SLCO3A1: variants seen among roughly 807,000 people sequenced by gnomAD.
The protein encoded by SLCO3A1 is PGE1 transporter.
A neutral mutation model predicts 63.1 loss-of-function variants in SLCO3A1; 27 were observed. The ratio of observed to expected loss-of-function variants is 0.43; its 90% CI spans 0.32 to 0.59. The LOEUF is 0.59. Ranked by LOEUF, SLCO3A1 falls within the 20% of genes least tolerant of loss-of-function variation. SLCO3A1 has a pLI of 0.09. For missense variants in SLCO3A1, 773 were observed against 945.8 expected, an observed-to-expected ratio of 0.82 and a Z score of 2.40; for synonymous variants, 473 against 409.9, an observed-to-expected ratio of 1.15 and a Z score of -1.86.
At chr15:92,140,687 G>A (rs938664224) in intron 7 of SLCO3A1, among the ~76,000 whole-genome samples, 2 of 152,110 alleles carry the variant, frequency 1.3e-5, no homozygotes, top group African/African-American at 4.8e-5. Context: ...TATATATTTA[G>A]GATAGTTAGC....
At chr15:92,091,673 C>T (rs981854985) in intron 2 of SLCO3A1, among the ~76,000 whole-genome samples, 4 of 152,168 alleles carry the variant, frequency 2.6e-5, no homozygotes, top group Non-Finnish European at 4.4e-5. Context: ...TTCGAGAACG[C>T]GTTGCAGGTG....
rs753558570 is a variant in SLCO3A1, at chr15:92,162,889, C to T, written c.1887C>T (p.Ile629=). Residue 629 remains isoleucine (I), a synonymous_variant, in exon 10 of 10, where the codon ATC becomes ATT. Coordinates refer to ENST00000318445, the MANE Select transcript of SLCO3A1 (RefSeq NM_013272.4). ...TCTACCGATACCTGTATGTCAGCAT[C>T]GCCATCGCGCTCAAATCCTTCGCCT... ...NVVYRYLYVS[I]AIALKSFAFI... 12 of 1,614,076 alleles carry T rather than the reference C, an allele frequency of 7.4e-6. No homozygotes were observed. The highest frequency in any genetic ancestry group is 6.6e-5 in the South Asian group (6 of 91,084).
In SLCO3A1 at chr15:92,163,935, T is replaced by C. The variant is rs975166326; in HGVS notation, c.*800T>C. On this transcript the variant is annotated 3_prime_UTR_variant, in exon 10 of 10. Transcript: ENST00000318445. ...CCCACAGAGTGACCTCAGGAAGCAG[T>C]AGGCCTCGCCTGGCTATGACTGACC... is the stretch of plus-strand genomic sequence containing the variant. The C allele has an allele frequency of 1.0e-6, 1 of 985,404 alleles. No homozygotes were observed. The highest frequency in any genetic ancestry group is 1.7e-5 in the African/African-American group (1 of 57,242). 61.0% of individuals were successfully genotyped at this position (985,404 alleles called of 1,614,324 possible). A position where few individuals can be genotyped will look rare whatever the true frequency, so the allele number is the denominator to read the frequency against.
intron 2 of SLCO3A1, among the ~76,000 whole-genome samples, chr15:92,080,193 T>C (rs1404881173): frequency 1.3e-5 from 2 of 152,160 alleles, no homozygotes; most frequent in African/African-American, 4.8e-5. Flanking sequence ...GATATCGTTA[T>C]ACAAATTATT....
chr15:91,931,740 G>C (rs747388440), intron 2 of SLCO3A1, among the ~76,000 whole-genome samples: 3 of 150,696 alleles, frequency 2.0e-5, no homozygotes. Flanking sequence ...CAAAGTGCTG[G>C]GATTATAGGA....
chr15:91,975,782 T>C (rs1901083529), intron 2 of SLCO3A1, among the ~76,000 whole-genome samples: 2 of 152,120 alleles, frequency 1.3e-5, no homozygotes, highest in Non-Finnish European at 2.9e-5. Flanking sequence ...TGGTGGACGC[T>C]CCAAGGCAGG....
chr15:91,873,557 CACACACACAT>C (rs1690741347), intron 1 of SLCO3A1, among the ~76,000 whole-genome samples: 1 of 151,630 alleles, frequency 6.6e-6, no homozygotes, highest in African/African-American at 2.4e-5. Flanking sequence ...CACACACACA[CACACACACAT>C]ACATACATAC....
intron 2 of SLCO3A1, among the ~76,000 whole-genome samples, chr15:91,957,975 G>C (rs991485547): frequency 7.2e-5 from 11 of 152,102 alleles, no homozygotes; most frequent in Middle Eastern, 3.4e-3. Flanking sequence ...ATATACATTT[G>C]ATCCATGAAC....
chr15:91,886,995 G>A lies in SLCO3A1; in HGVS notation c.181-28998G>A, dbSNP rs1247199042. On this transcript the variant is annotated intron_variant, in intron 1 of 9. Transcript: ENST00000318445. This position sits in a 1 kb window ranked among gnomAD's most constrained non-coding sequence, Gnocchi z 4.9. ...TTCTCCCCTCTTTGTTTCTGCCTGT[G>A]TCTGTATATTGGCCAAGCCCATTTC... is the stretch of plus-strand genomic sequence containing the variant. Among the ~76,000 whole-genome samples, 1 of 152,174 alleles carries A rather than the reference G, an allele frequency of 6.6e-6. No homozygotes were observed. The highest frequency in any genetic ancestry group is 1.5e-5 in the Non-Finnish European group (1 of 68,024).
intron 2 of SLCO3A1, among the ~76,000 whole-genome samples, chr15:92,008,259 C>A (rs2046333415): frequency 6.6e-6 from 1 of 152,164 alleles, no homozygotes; most frequent in South Asian, 2.1e-4. Flanking sequence ...AAACCTGGAC[C>A]CAGCAAGTGA....
intron 2 of SLCO3A1, among the ~76,000 whole-genome samples, chr15:92,060,572 T>C (rs998649863): frequency 1.3e-5 from 2 of 150,816 alleles, no homozygotes; most frequent in African/African-American, 4.9e-5. Flanking sequence ...CAAGCTCGGC[T>C]CACTGCAACC....
At chr15:92,044,541 A>G (rs954416830) in intron 2 of SLCO3A1, among the ~76,000 whole-genome samples, 8 of 152,056 alleles carry the variant, frequency 5.3e-5, no homozygotes, top group Non-Finnish European at 1.0e-4. Context: ...TAGATCTTCA[A>G]CTCTGGAGGC....
chr15:92,157,441 C>CCCTTCTGGACACACCTGAT (rs2048385535), intron 9 of SLCO3A1, among the ~76,000 whole-genome samples: 1 of 151,800 alleles, frequency 6.6e-6, no homozygotes, highest in Non-Finnish European at 1.5e-5. Flanking sequence ...CCCTTGTCCT[C>CCCTTCTGGACACACCTGAT]CCTTCTGGAC....
chr15:92,153,857 G>A (rs2151596226), intron 9 of SLCO3A1, among the ~76,000 whole-genome samples: 1 of 152,296 alleles, frequency 6.6e-6, no homozygotes, highest in East Asian at 1.9e-4. Context: ...CAGACTGGGG[G>A]GAAAGGGGGG....
chr15:92,122,424 A>C (rs369325147), intron 5 of SLCO3A1, among the ~76,000 whole-genome samples: 10 of 152,342 alleles, frequency 6.6e-5, no homozygotes, highest in African/African-American at 1.9e-4. Flanking sequence ...AAAGGTGCTA[A>C]CCATCATGAG....
At chr15:92,097,693 T>C (rs2047556654) in intron 3 of SLCO3A1, among the ~76,000 whole-genome samples, 1 of 152,146 alleles carries the variant, frequency 6.6e-6, no homozygotes, top group Non-Finnish European at 1.5e-5. Context: ...GCAAGGTGCA[T>C]TGTCAGTCAC....
intron 9 of SLCO3A1, among the ~76,000 whole-genome samples, chr15:92,154,287 A>G (rs11630759): frequency 0.057 from 8,694 of 152,318 alleles, 333 homozygotes; most frequent in South Asian, 0.087. Context: ...AGTCTTGGGT[A>G]ATGTGGTGAA....
In SLCO3A1 at chr15:92,068,775, A is replaced by T. The variant is rs187556359; in HGVS notation, c.647-26106A>T. ...CAGAACTAGAAAGCAGAAAGATCCCAAGTGAAGCTCCTCTTTTGAGCTACC... is the reference window on the plus strand; with the variant it reads ...CAGAACTAGAAAGCAGAAAGATCCCTAGTGAAGCTCCTCTTTTGAGCTACC... On this transcript the variant is annotated intron_variant, in intron 2 of 9. Coordinates refer to ENST00000318445, the MANE Select transcript of SLCO3A1 (RefSeq NM_013272.4). 2.6e-5 allele frequency among the ~76,000 whole-genome samples: 4 copies of T among 152,282 alleles called. No individual in the cohort carries two copies. The East Asian group carries it at 7.7e-4, about 29-fold the overall frequency.
intron 5 of SLCO3A1, among the ~76,000 whole-genome samples, chr15:92,125,725 G>A (rs2047913477): frequency 6.6e-6 from 1 of 151,790 alleles, no homozygotes; most frequent in Non-Finnish European, 1.5e-5. Context: ...CCCTCCCGAA[G>A]GCATGTCTGT....
Sources: allele counts gnomAD v4.1 joint callset (sites outside exome capture counted in the v4.1 genomes callset), GRCh38; gene constraint gnomAD v4.1.1; non-coding constraint Gnocchi (gnomAD v3.1); transcripts MANE v1.5; gene names NCBI Gene and HGNC (gene_info 2026-07-23, HGNC 2026-07-21).